The following C1GALT1 variants were observed in gnomAD, a reference collection of about 807,000 sequenced individuals.
C1GALT1 encodes the protein glycoprotein-N-acetylgalactosamine 3-beta-galactosyltransferase 1.
In C1GALT1, 11 loss-of-function variants were observed where a neutral mutation model predicts 31.0. The ratio of observed to expected loss-of-function variants is 0.36; its 90% confidence interval spans 0.22 to 0.59. The LOEUF (loss-of-function observed/expected upper bound fraction) is 0.59, where lower values mean the gene tolerates loss of function less well. C1GALT1 is among the 20% of genes least tolerant of loss of function. The probability of loss-of-function intolerance (pLI) is 0.79; values close to 1 mark genes in which losing one functional copy is unlikely to be tolerated. For missense variants in C1GALT1, 424 were observed against 425.2 expected, an observed-to-expected ratio of 1.00 and a Z score of 0.03; for synonymous variants, 175 against 143.6, an observed-to-expected ratio of 1.22 and a Z score of -1.56.
intron 1 of C1GALT1, among the ~76,000 whole-genome samples, chr7:7,192,730 A>G (rs898699983): frequency 3.9e-5 from 6 of 152,162 alleles, no homozygotes; most frequent in African/African-American, 1.4e-4. Context: ...GAATCTCCAC[A>G]CCATTTTCCA....
chr7:7,220,753 C>G (rs541551849), intron 1 of C1GALT1, among the ~76,000 whole-genome samples: 34 of 152,304 alleles, frequency 2.2e-4, no homozygotes, highest in African/African-American at 7.0e-4. Context: ...ATCTCTTGAC[C>G]TTGTGATCTG....
intron 1 of C1GALT1, among the ~76,000 whole-genome samples, chr7:7,215,397 G>A (rs1342585397): frequency 6.6e-6 from 1 of 151,608 alleles, no homozygotes; most frequent in African/African-American, 2.4e-5. Flanking sequence ...GTTTGTGCCG[G>A]GAGAGAAAAG....
intron 1 of C1GALT1, chr7:7,183,710 C>G: frequency 1.7e-6 from 1 of 597,384 alleles, no homozygotes; most frequent in Non-Finnish European, 2.1e-6. Context: ...ACAACAGTAT[C>G]AGCAACAAAA....
chr7:7,233,597 A>G (rs576943251), intron 1 of C1GALT1, among the ~76,000 whole-genome samples: 1 of 152,364 alleles, frequency 6.6e-6, no homozygotes, highest in South Asian at 2.1e-4. Flanking sequence ...ATAAAGGGCT[A>G]GGTACGGTTT....
At position 7,174,527 on chromosome 7, in the gene C1GALT1, A is replaced by G. The variant is rs573300243; in HGVS notation, c.-18+17101A>G. ...GGGAAGCTGAGGTGGGAGGATTACA[A>G]GCTCAGGAATTCAAGACCAGCCCGG... On this transcript the variant is annotated intron_variant, in intron 2 of 3. Coordinates refer to the C1GALT1 transcript ENST00000429911. 1.8e-4 allele frequency among the ~76,000 whole-genome samples: 28 copies of G among 152,250 alleles called. No individual in the cohort carries two copies. The South Asian group carries it at 5.4e-3, about 29-fold the overall frequency.
At chr7:7,231,451 C>A (rs949116755) in intron 1 of C1GALT1, among the ~76,000 whole-genome samples, 2 of 152,158 alleles carry the variant, frequency 1.3e-5, no homozygotes, top group Non-Finnish European at 2.9e-5. Context: ...TTAACACTTA[C>A]ATTAGACCCT....
At chr7:7,185,959 C>T (rs1012913765) in intron 1 of C1GALT1, among the ~76,000 whole-genome samples, 3 of 152,110 alleles carry the variant, frequency 2.0e-5, no homozygotes, top group African/African-American at 7.2e-5. Context: ...TTGCCTCTAG[C>T]AGAATATCTG....
chr7:7,188,247 G>A (rs957198102), intron 1 of C1GALT1, among the ~76,000 whole-genome samples: 4 of 152,180 alleles, frequency 2.6e-5, no homozygotes, highest in Admixed American at 2.6e-4. Context: ...CTGTGGCTCT[G>A]AGTGAAATAG....
chr7:7,183,677 C>T (rs1228832111), intron 1 of C1GALT1: 1 of 822,736 alleles, frequency 1.2e-6, no homozygotes, highest in Non-Finnish European at 1.5e-6. Context: ...TCCCCACCCC[C>T]CACCACCCCG....
intron 1 of C1GALT1, among the ~76,000 whole-genome samples, chr7:7,213,010 C>T (rs962597963): frequency 6.6e-6 from 1 of 152,152 alleles, no homozygotes; most frequent in African/African-American, 2.4e-5. Context: ...TTCCTTGACT[C>T]TGAAAAACCA....
At chr7:7,189,086 T>G (rs996446077) in intron 1 of C1GALT1, among the ~76,000 whole-genome samples, 2 of 152,296 alleles carry the variant, frequency 1.3e-5, no homozygotes, top group Non-Finnish European at 2.9e-5. Context: ...TTATTAACAA[T>G]AAAAAGTAAC....
rs151014018 is a variant in C1GALT1, at chr7:7,219,667, A to G, written c.-17-14636A>G. Among the ~76,000 whole-genome samples, 109 of 152,332 alleles carry G rather than the reference A, an allele frequency of 7.2e-4. 1 individual carries two copies. Among genetic ancestry groups the G allele is most frequent in the Admixed American group, 2.3e-3 (35 of 15,306 alleles). On this transcript the variant is annotated intron_variant, in intron 1 of 3. Transcript: ENST00000436587. ...TTTGAGAGCTGCTCAAGAAATATAT[A>G]TTCATTAAACTCAATTTAGAAAAAT...
At chr7:7,243,474 G>C (rs1433211335) in intron 3 of C1GALT1, 50 bp from the exon 4 acceptor site, 13 of 1,364,910 alleles carry the variant, frequency 9.5e-6, no homozygotes, top group Non-Finnish European at 1.3e-5. Flanking sequence ...AAATATTGTA[G>C]CTAGCAATGT....
At chr7:7,239,106 A>C in intron 3 of C1GALT1, 184 bp downstream of exon 3, 2 of 585,966 alleles carry the variant, frequency 3.4e-6, no homozygotes, top group Non-Finnish European at 5.9e-6. Context: ...AGCAGTAGTC[A>C]CTTAGCAAAT....
At chr7:7,203,908 T>C (rs1263167533) in intron 1 of C1GALT1, among the ~76,000 whole-genome samples, 2 of 152,092 alleles carry the variant, frequency 1.3e-5, no homozygotes, top group African/African-American at 4.8e-5. Flanking sequence ...CAATAACTTA[T>C]TTCTCCAACT....
At chr7:7,201,269 A>C (rs144007465) in intron 1 of C1GALT1, among the ~76,000 whole-genome samples, 1 of 152,030 alleles carries the variant, frequency 6.6e-6, no homozygotes, top group African/African-American at 2.4e-5. Flanking sequence ...CTGGAGGTCC[A>C]CTCCAGACCG....
intron 1 of C1GALT1, among the ~76,000 whole-genome samples, chr7:7,224,731 G>A (rs910578299): frequency 1.3e-5 from 2 of 151,964 alleles, no homozygotes; most frequent in Non-Finnish European, 2.9e-5. Flanking sequence ...AATCTTTAGA[G>A]GCTGTCCATT....
Position 7,248,001 on chromosome 7 carries a change from C to T in C1GALT1, c.*4274C>T, listed in dbSNP as rs1783916483. The T allele has an allele frequency of 6.6e-6, 1 of 151,956 alleles. No homozygotes were observed. The highest frequency in any genetic ancestry group is 1.5e-5 in the Non-Finnish European group (1 of 67,888). 9.4% of individuals were successfully genotyped at this position (151,956 alleles called of 1,614,324 possible). On this transcript the variant is annotated 3_prime_UTR_variant, in exon 4 of 4. Transcript: ENST00000436587. ...GGAAGTAAAGTTATTTGGGTTCTTCCACTCACCCTTTTCTCAAAAACAACA... is the reference window on the plus strand; with the variant it reads ...GGAAGTAAAGTTATTTGGGTTCTTCTACTCACCCTTTTCTCAAAAACAACA...
chr7:7,231,718 A>C (rs1242479996), intron 1 of C1GALT1, among the ~76,000 whole-genome samples: 2 of 151,768 alleles, frequency 1.3e-5, no homozygotes, highest in Non-Finnish European at 1.5e-5. Context: ...TTTTGTGTTT[A>C]GCCGTAATTT....
Sources: allele counts gnomAD v4.1 joint callset (sites outside exome capture counted in the v4.1 genomes callset), GRCh38; gene constraint gnomAD v4.1.1; transcripts MANE v1.5; gene names NCBI Gene and HGNC (gene_info 2026-07-23, HGNC 2026-07-21).